Variants in NPSR1 observed in about 807,000 individuals in gnomAD.
The protein encoded by NPSR1 is neuropeptide S receptor 1, also known as neuropeptide S receptor.
NPSR1 carries 48 observed loss-of-function variants against 46.9 expected under a neutral mutation model. The observed-to-expected ratio is 1.02, with a 90% confidence interval of 0.81 to 1.30. NPSR1 has a LOEUF of 1.30. Ranked by LOEUF, NPSR1 falls within the 50% of genes most tolerant of loss-of-function variation. The probability of loss-of-function intolerance (pLI) is 0.00; values close to 1 mark genes in which losing one functional copy is unlikely to be tolerated. For missense variants in NPSR1, 450 were observed against 449.5 expected (o/e 1.00, Z -0.01); for synonymous variants, 176 against 168.1 (o/e 1.05, Z -0.36).
intron 2 of NPSR1, among the ~76,000 whole-genome samples, chr7:34,736,039 T>C (rs1784651856): frequency 6.6e-6 from 1 of 151,864 alleles, no homozygotes; most frequent in Non-Finnish European, 1.5e-5. Flanking sequence ...TAAATAAGAG[T>C]TGTTTTGATG....
chr7:34,713,991 T>A (rs1783429061), intron 2 of NPSR1, among the ~76,000 whole-genome samples: 1 of 152,280 alleles, frequency 6.6e-6, no homozygotes, highest in Non-Finnish European at 1.5e-5. Flanking sequence ...TTGCCTTTCA[T>A]ATTTCTGAGG....
intron 2 of NPSR1, among the ~76,000 whole-genome samples, chr7:34,731,115 T>C (rs1344040320): frequency 6.6e-6 from 1 of 152,200 alleles, no homozygotes; most frequent in Non-Finnish European, 1.5e-5. Context: ...AAATTTAAAT[T>C]GTAAAGATTT....
At chr7:34,738,765 C>T (rs1176829983) in intron 2 of NPSR1, among the ~76,000 whole-genome samples, 1 of 151,972 alleles carries the variant, frequency 6.6e-6, no homozygotes, top group South Asian at 2.1e-4. Context: ...TATAACATAT[C>T]ATTCATCAAA....
intron 6 of NPSR1, among the ~76,000 whole-genome samples, chr7:34,836,754 CG>C (rs199968899): frequency 0.026 from 3,526 of 137,530 alleles, 66 homozygotes; most frequent in Middle Eastern, 0.046. Flanking sequence ...AGAAGAGAGG[CG>C]GGGGGGAAGA....
intron 2 of NPSR1, among the ~76,000 whole-genome samples, chr7:34,713,413 T>A (rs1472260520): frequency 6.6e-6 from 1 of 152,134 alleles, no homozygotes; most frequent in Non-Finnish European, 1.5e-5. Context: ...CCTCTAGAAT[T>A]CCTCCTTTGT....
At chr7:34,721,460 A>G (rs1209330510) in intron 2 of NPSR1, among the ~76,000 whole-genome samples, 2 of 152,168 alleles carry the variant, frequency 1.3e-5, no homozygotes, top group Admixed American at 6.6e-5. Context: ...AAGCACAGTA[A>G]TTAGAACGAG....
chr7:34,745,914 A>G (rs1267311064), intron 2 of NPSR1, among the ~76,000 whole-genome samples: 1 of 152,248 alleles, frequency 6.6e-6, no homozygotes, highest in African/African-American at 2.4e-5. Flanking sequence ...ATGTTTATAC[A>G]TTTGAGTTTT....
rs190370998 is a variant in NPSR1 at position 34,877,140 on chromosome 7, G to A, written c.1026-936G>A. Among the ~76,000 whole-genome samples the A allele has an allele frequency of 2.5e-3, 381 of 152,280 alleles. 2 individuals carry two copies. Among genetic ancestry groups the A allele is most frequent in the African/African-American group, 8.7e-3 (360 of 41,544 alleles). On this transcript the variant is annotated intron_variant, in intron 8 of 8. Coordinates refer to the NPSR1 transcript ENST00000359791. ...CAAGATGACAATCATTCTGATGGCC[G>A]AAAGGATCTGGATCTCAGCATGGAC... is the stretch of plus-strand genomic sequence containing the variant.
At chr7:34,711,473 G>C (rs1783282134) in intron 2 of NPSR1, 1 of 152,076 alleles carries the variant, frequency 6.6e-6, no homozygotes, top group Non-Finnish European at 1.5e-5. Flanking sequence ...TCATTAGAAG[G>C]ATAAAATAAG....
At chr7:34,826,376 C>A (rs1789839581) in intron 4 of NPSR1, among the ~76,000 whole-genome samples, 1 of 152,132 alleles carries the variant, frequency 6.6e-6, no homozygotes, top group Non-Finnish European at 1.5e-5. Flanking sequence ...CTAGATTTTT[C>A]TCACTTCTTG....
intron 4 of NPSR1, among the ~76,000 whole-genome samples, chr7:34,821,461 C>T (rs1789558712): frequency 6.6e-6 from 1 of 152,010 alleles, no homozygotes; most frequent in African/African-American, 2.4e-5. Context: ...TTTGTTTATG[C>T]CTAGCCGACT....
intron 3 of NPSR1, among the ~76,000 whole-genome samples, chr7:34,791,904 G>A (rs1433542770): frequency 2.0e-5 from 3 of 152,022 alleles, no homozygotes; most frequent in East Asian, 3.9e-4. Context: ...ATGTATGTAT[G>A]GTCCACTGAT....
Position 34,684,578 on chromosome 7 carries a change from C to G in NPSR1, c.174C>G (p.Val58=). 1 of 1,613,478 alleles carries G rather than the reference C, an allele frequency of 6.2e-7. No individual in the cohort carries two copies. Among genetic ancestry groups the G allele is most frequent in the Non-Finnish European group, 8.5e-7 (1 of 1,179,722 alleles). ...FKTEQLITLW[V]LFVFTIVGNS... ...CTGAGCAATTGATAACTCTGTGGGTCCTCTTTGTTTTTACCATTGTTGGAA... is the reference window on the plus strand; with the variant it reads ...CTGAGCAATTGATAACTCTGTGGGTGCTCTTTGTTTTTACCATTGTTGGAA... The change falls in exon 2 of 9, where the codon GTC becomes GTG. Residue 58 remains valine, a synonymous_variant. Coordinates refer to ENST00000360581, the MANE Select transcript of NPSR1 (RefSeq NM_207172.2).
At chr7:34,859,926 T>A (rs1791147924) in intron 8 of NPSR1, among the ~76,000 whole-genome samples, 1 of 151,734 alleles carries the variant, frequency 6.6e-6, no homozygotes, top group African/African-American at 2.4e-5. Flanking sequence ...GTAGGCCTCC[T>A]TTGCTTACAT....
chr7:34,697,748 A>T (rs911197999), intron 2 of NPSR1, among the ~76,000 whole-genome samples: 3 of 151,798 alleles, frequency 2.0e-5, no homozygotes, highest in African/African-American at 7.2e-5. Flanking sequence ...CCCACAGATA[A>T]AAAGGGCCAA....
intron 1 of NPSR1, among the ~76,000 whole-genome samples, chr7:34,670,266 AC>A (rs1791982416): frequency 6.6e-6 from 1 of 152,188 alleles, no homozygotes; most frequent in African/African-American, 2.4e-5. Context: ...AAAATAATTG[AC>A]AGATGGATCA....
intron 2 of NPSR1, among the ~76,000 whole-genome samples, chr7:34,695,981 T>C (rs112892871): frequency 3.5e-4 from 53 of 149,948 alleles, no homozygotes; most frequent in African/African-American, 1.3e-3. Context: ...GAAATCACTA[T>C]ATAAAAAAGA....
chr7:34,696,128 T>C (rs1793515885), intron 2 of NPSR1, among the ~76,000 whole-genome samples: 1 of 145,698 alleles, frequency 6.9e-6, no homozygotes, highest in South Asian at 2.2e-4. Flanking sequence ...TAGAATACTA[T>C]GCAGCTATAA....
chr7:34,834,298 C>A, intron 5 of NPSR1, 86 bp from the exon 6 acceptor site: 1 of 950,760 alleles, frequency 1.1e-6, no homozygotes, highest in Non-Finnish European at 1.7e-6. Flanking sequence ...ACACCTTGCA[C>A]TCGGGGAGGT....
Sources: gnomAD v4.1 joint callset for allele counts (sites outside exome capture counted in the v4.1 genomes callset) on GRCh38, gnomAD v4.1.1 for gene constraint, MANE v1.5 for transcripts, NCBI Gene and HGNC (gene_info 2026-07-23, HGNC 2026-07-21) for gene names.